Variants in MYH2 observed in about 807,000 individuals in gnomAD.
MYH2 encodes the protein myosin-2.
A neutral mutation model predicts 228.1 loss-of-function variants in MYH2; 139 were observed. The ratio of observed to expected loss-of-function variants is 0.61; its 90% CI spans 0.53 to 0.70. The LOEUF is 0.70. Ranked by LOEUF, MYH2 falls within the 30% of genes least tolerant of loss-of-function variation. The pLI, the probability that MYH2 is intolerant of heterozygous loss-of-function variation, is 0.00. For missense variants in MYH2, 1,809 were observed against 2,357.5 expected (o/e 0.77, Z 4.82); for synonymous variants, 796 against 871.1 (o/e 0.91, Z 1.52).
At chr17:10,522,785 T>A (rs1340316132) in intron 39 of MYH2, among the ~76,000 whole-genome samples, 1 of 152,208 alleles carries the variant, frequency 6.6e-6, no homozygotes. Context: ...TTAGTTTTTT[T>A]AATATTTAAG....
At chr17:10,532,516 G>A (rs563080182) in intron 21 of MYH2, among the ~76,000 whole-genome samples, 19 of 151,836 alleles carry the variant, frequency 1.3e-4, no homozygotes, top group South Asian at 4.2e-4. Flanking sequence ...TATATATATC[G>A]TGGATCATGA....
In MYH2 at chr17:10,544,145, G is replaced by A; in HGVS notation, c.506-18C>T. The A allele has an allele frequency of 6.2e-7, 1 of 1,610,268 alleles. No individual in the cohort carries two copies. Among genetic ancestry groups the A allele is most frequent in the Non-Finnish European group, 8.5e-7 (1 of 1,176,688 alleles). On this transcript the variant is annotated intron_variant, in intron 5 of 39. Transcript: ENST00000245503. ...CTCTCGGTCTACAAAAGAAATTATA[G>A]ACATTTAATACTGTTTTCTTACATA...
At chr17:10,527,902 A>T in intron 27 of MYH2, 28 bp from the exon 28 acceptor site, 2 of 1,609,496 alleles carry the variant, frequency 1.2e-6, no homozygotes, top group Non-Finnish European at 1.7e-6. Flanking sequence ...AAAGAAGAAA[A>T]CAGAGACCTT....
At chr17:10,521,914 T>C (rs1261125079) in intron 39 of MYH2, among the ~76,000 whole-genome samples, 1 of 152,208 alleles carries the variant, frequency 6.6e-6, no homozygotes, top group Non-Finnish European at 1.5e-5. Flanking sequence ...ATGATTCTAT[T>C]GACAGATAAC....
In MYH2 at chr17:10,531,650, G is replaced by GCAGCTC. The variant is rs745565993; in HGVS notation, c.2679_2680insGAGCTG (p.Leu893_Gln894insGluLeu). ...CAACTCACAGCCTGAACTTGGAGCTGCAAGTCATTTTTTTCTTTCAACAGC... is the reference window on the plus strand; with the variant it reads ...CAACTCACAGCCTGAACTTGGAGCTGCAGCTCCAAGTCATTTTTTTCTTTCAACAGC... On this transcript the variant is annotated inframe_insertion, in exon 22 of 40. Coordinates refer to ENST00000245503, the MANE Select transcript of MYH2 (RefSeq NM_017534.6). 1.9e-6 allele frequency: 3 copies of GCAGCTC among 1,614,168 alleles called. No homozygotes were observed. The highest frequency in any genetic ancestry group is 2.5e-6 in the Non-Finnish European group (3 of 1,180,018).
rs1057356939 is a variant in MYH2, at chr17:10,539,241, G to A, written c.1380C>T (p.Ile460=). ...CAAAACCAGCAATGTCCAAGACCCC[G>A]ATGAAGTACTGCCTGGGCTGCTTGG... ...LDTKQPRQYF[I]GVLDIAGFEI... Residue 460 remains isoleucine, a synonymous_variant, in exon 14 of 40, where the codon ATC becomes ATT. Coordinates refer to ENST00000245503, the MANE Select transcript of MYH2 (RefSeq NM_017534.6). 1.1e-5 allele frequency: 18 copies of A among 1,614,036 alleles called. No individual in the cohort carries two copies. The highest frequency in any genetic ancestry group is 8.9e-5 in the East Asian group (4 of 44,900).
chr17:10,529,329 T>C lies in MYH2; in HGVS notation c.3263+7A>G. The C allele has an allele frequency of 6.2e-7, 1 of 1,613,872 alleles. No homozygotes were observed. ...AGCAAATCCATAAGCAATTCTTTCT[T>C]ACTTACTTTTTGAGCTTTTCATCAA... On this transcript the variant is annotated splice_region_variant and intron_variant, in intron 25 of 39. Coordinates refer to ENST00000245503, the MANE Select transcript of MYH2 (RefSeq NM_017534.6).
chr17:10,528,830 G>A lies in MYH2; in HGVS notation c.3604C>T (p.His1202Tyr), dbSNP rs764501722. ...EATAATLRKK[H>Y]ADSVAELGEQ... ...CCAAGCTCGGCCACACTATCTGCAT[G>A]CTTCTTCCTCAGGGTGGCCGCTGTG... is the stretch of plus-strand genomic sequence containing the variant. The change falls in exon 27 of 40, where the codon CAT (histidine) becomes TAT (tyrosine). Residue 1202 changes from histidine (H) to tyrosine (Y), a missense_variant. Coordinates refer to ENST00000245503, the MANE Select transcript of MYH2 (RefSeq NM_017534.6). 1 of 1,614,074 alleles carries A rather than the reference G, an allele frequency of 6.2e-7. No individual in the cohort carries two copies. Among genetic ancestry groups the A allele is most frequent in the African/African-American group, 1.3e-5 (1 of 74,922 alleles).
Position 10,524,742 on chromosome 17 carries a change from CT to C in MYH2, c.4971+14del. 1 of 1,614,216 alleles carries C rather than the reference CT, an allele frequency of 6.2e-7. No individual in the cohort carries two copies. ...CACCCCAATAGTCCTGGGACCATCT[CT>C]TGGACATATTTACCTTGAGGATGCC... is the stretch of plus-strand genomic sequence containing the variant. On this transcript the variant is annotated intron_variant, in intron 34 of 39. Coordinates refer to ENST00000245503, the MANE Select transcript of MYH2 (RefSeq NM_017534.6). This position sits in a 1 kb window ranked among gnomAD's most constrained non-coding sequence, Gnocchi z 4.7.
At chr17:10,535,254 C>G in intron 18 of MYH2, 24 bp downstream of exon 18, 1 of 1,613,838 alleles carries the variant, frequency 6.2e-7, no homozygotes, top group Non-Finnish European at 8.5e-7. Context: ...TCATCCTTTG[C>G]ACTTTCATTA....
rs1597446232 is a variant in MYH2, at chr17:10,521,180, C to T, written c.*100G>A. ...TGCAAACTACCCTATGCTTTATTTCCTTTGCAACAGGGTAGAATACACAAT... is the reference window on the plus strand; with the variant it reads ...TGCAAACTACCCTATGCTTTATTTCTTTTGCAACAGGGTAGAATACACAAT... On this transcript the variant is annotated 3_prime_UTR_variant, in exon 40 of 40. Transcript: ENST00000245503. 1.4e-6 allele frequency: 2 copies of T among 1,417,000 alleles called. No homozygotes were observed. Among genetic ancestry groups the T allele is most frequent in the East Asian group, 4.6e-5 (2 of 43,854 alleles). The allele number at this position is 1,417,000 out of a possible 1,614,324, so 87.8% of individuals were successfully genotyped here. A position where few individuals can be genotyped will look rare whatever the true frequency, so the allele number is the denominator to read the frequency against.
intron 5 of MYH2, 41 bp downstream of exon 5, chr17:10,545,305 T>C (rs759878475): frequency 5.6e-6 from 9 of 1,612,118 alleles, no homozygotes; most frequent in South Asian, 1.1e-5. Context: ...ATGGTTCTGC[T>C]CTAAAGGTTT....
rs2073500946 is a variant in MYH2, at chr17:10,537,775, T to G, written c.1477A>C (p.Asn493His). 3 of 1,614,108 alleles carry G rather than the reference T, an allele frequency of 1.9e-6. No homozygotes were observed. In the African/African-American group the frequency reaches 4.0e-5, roughly 22 times the overall value. The change falls in exon 15 of 40, where the codon AAC becomes CAC. Residue 493 changes from asparagine to histidine, a missense_variant. Asn to His is a moderately conservative substitution (Grantham distance 68). Around this residue, in one of 9 missense-constraint regions of MYH2, gnomAD observed 373 missense variants for 620.4 expected, o/e 0.60. Transcript: ENST00000245503. The surrounding 1 kb of genome is among the most constrained non-coding windows in gnomAD (Gnocchi z 4.0). The stretch of plus-strand genomic sequence containing the variant: ...TGCTCCAGCACGAACATGTGGTGGT[T>G]GAAAAACTGTTGCAGTTTCTCATTG... ...FTNEKLQQFF[N>H]HHMFVLEQEE...
Position 10,524,642 on chromosome 17 carries a change from G to A in MYH2, c.4999C>T (p.Leu1667Phe), listed in dbSNP as rs771212882. The A allele has an allele frequency of 6.2e-7, 1 of 1,614,118 alleles. No individual in the cohort carries two copies. The highest frequency in any genetic ancestry group is 8.5e-7 in the Non-Finnish European group (1 of 1,180,056). ...KDTQIHLDDALRSQEDLKEQL... is the reference protein window; with the variant it reads ...KDTQIHLDDAFRSQEDLKEQL... ...TCCTTCAGGTCCTCCTGGCTCCGGA[G>A]AGCATCATCCAGGTGGATCTGGGTA... Residue 1667 changes from leucine to phenylalanine, a missense_variant, in exon 35 of 40, where the codon CTC becomes TTC. Physicochemically the swap from Leu to Phe is conservative, Grantham distance 22. This residue lies in a region of MYH2 where 75 missense variants were observed against 131.2 expected (regional missense o/e 0.57). Transcript: ENST00000245503. This position sits in a 1 kb window ranked among gnomAD's most constrained non-coding sequence, Gnocchi z 4.7.
chr17:10,528,778 A>G lies in MYH2; in HGVS notation c.3656T>C (p.Val1219Ala). ...CTTCTCCTTCTCCAGCTTCTGCTTC[A>G]CTCGCTGCAGGTTGTCAATCTGCTC... is the stretch of plus-strand genomic sequence containing the variant. ...LGEQIDNLQR[V>A]KQKLEKEKSE... Residue 1219 changes from valine (V) to alanine (A), a missense_variant, in exon 27 of 40, where the codon GTG becomes GCG. By Grantham distance (64) the Val-to-Ala change is moderately conservative. Around this residue, in one of 9 missense-constraint regions of MYH2, gnomAD observed 636 missense variants for 729.9 expected, o/e 0.87. Coordinates refer to ENST00000245503, the MANE Select transcript of MYH2 (RefSeq NM_017534.6). 6.2e-7 allele frequency: 1 copy of G among 1,614,042 alleles called. No homozygotes were observed. The highest frequency in any genetic ancestry group is 8.5e-7 in the Non-Finnish European group (1 of 1,179,988).
chr17:10,540,359 CAAAA>C (rs56139789), intron 11 of MYH2, among the ~76,000 whole-genome samples: 111 of 149,188 alleles, frequency 7.4e-4, no homozygotes, highest in African/African-American at 2.6e-3. Flanking sequence ...AAGTCAATTG[CAAAA>C]AAAAAAAAAT....
intron 22 of MYH2, 116 bp downstream of exon 22, chr17:10,531,511 GTTTTAA>G (rs2073423195): frequency 2.3e-5 from 32 of 1,408,572 alleles, no homozygotes; most frequent in Non-Finnish European, 3.1e-5. Flanking sequence ...CCATTGGAGT[GTTTTAA>G]CCTTTTCCTT....
intron 22 of MYH2, 80 bp from the exon 23 acceptor site, chr17:10,530,154 T>C: frequency 6.2e-7 from 1 of 1,609,658 alleles, no homozygotes; most frequent in South Asian, 1.1e-5. Flanking sequence ...TTTCTGCATT[T>C]GATCTTTTGA....
intron 10 of MYH2, among the ~76,000 whole-genome samples, chr17:10,542,573 G>T (rs915462814): frequency 2.0e-5 from 3 of 152,174 alleles, no homozygotes; most frequent in Non-Finnish European, 2.9e-5. Flanking sequence ...TATGAAAATT[G>T]TATGTATGTA....
Sources: gnomAD v4.1 joint callset for allele counts (sites outside exome capture counted in the v4.1 genomes callset) on GRCh38, gnomAD v4.1.1 for gene constraint, gnomAD v4.1.1 regional missense constraint, Gnocchi (gnomAD v3.1) non-coding constraint, MANE v1.5 for transcripts, NCBI Gene and HGNC (gene_info 2026-07-23, HGNC 2026-07-21) for gene names.